SHC3: variants seen among roughly 807,000 people sequenced by gnomAD.
SHC3 encodes SHC-transforming protein 3.
A neutral mutation model predicts 60.4 loss-of-function variants in SHC3; 15 were observed. The ratio of observed to expected loss-of-function variants is 0.25; its 90% CI spans 0.17 to 0.38. SHC3 has a LOEUF of 0.38. Ranked by LOEUF, SHC3 falls within the 10% of genes least tolerant of loss-of-function variation. The probability of loss-of-function intolerance (pLI) is 1.00; values close to 1 mark genes in which losing one functional copy is unlikely to be tolerated. For synonymous variants in SHC3, 294 were observed against 325.9 expected (o/e 0.90, Z 1.05); for missense variants, 677 against 786.1 (o/e 0.86, Z 1.66).
intron 1 of SHC3, among the ~76,000 whole-genome samples, chr9:89,113,316 T>C (rs1825976345): frequency 6.6e-6 from 1 of 152,134 alleles, no homozygotes; most frequent in African/African-American, 2.4e-5. Flanking sequence ...AAGAGCTAGA[T>C]CCAATAGTTA....
intron 11 of SHC3, among the ~76,000 whole-genome samples, chr9:89,030,227 A>T (rs1359657243): frequency 6.6e-6 from 1 of 152,190 alleles, no homozygotes; most frequent in Non-Finnish European, 1.5e-5. Flanking sequence ...ACCAAAATAC[A>T]TAAAGCAAAA....
intron 1 of SHC3, among the ~76,000 whole-genome samples, chr9:89,151,103 C>T (rs546640756): frequency 6.6e-6 from 1 of 152,040 alleles, no homozygotes; most frequent in Non-Finnish European, 1.5e-5. Context: ...ACTGCAGCCT[C>T]AACCTCTTGG....
At chr9:89,031,317 T>C (rs1041911800) in intron 11 of SHC3, among the ~76,000 whole-genome samples, 7 of 152,212 alleles carry the variant, frequency 4.6e-5, no homozygotes, top group African/African-American at 1.2e-4. Flanking sequence ...ACATTCATTA[T>C]CATCACTGTC....
intron 11 of SHC3, 81 bp from the exon 12 acceptor site, chr9:89,013,656 C>T (rs1327109539): frequency 1.3e-4 from 204 of 1,514,144 alleles, no homozygotes; most frequent in Non-Finnish European, 1.7e-4. Flanking sequence ...ATCAGCCAGA[C>T]CATCTGAACT....
intron 10 of SHC3, among the ~76,000 whole-genome samples, chr9:89,041,559 AAGAG>A (rs1332852817): frequency 6.6e-6 from 1 of 152,194 alleles, no homozygotes; most frequent in Admixed American, 6.5e-5. Flanking sequence ...GGAGAGGAGA[AAGAG>A]AGAGAAAACC....
At chr9:89,029,174 C>A (rs1461755066) in intron 11 of SHC3, among the ~76,000 whole-genome samples, 2 of 151,500 alleles carry the variant, frequency 1.3e-5, no homozygotes, top group Non-Finnish European at 2.9e-5. Flanking sequence ...ACTCCCTCAA[C>A]CAGGAGTTCT....
In SHC3 at chr9:89,057,304, T is replaced by A. The variant is rs190358641; in HGVS notation, c.836-5141A>T. On this transcript the variant is annotated intron_variant, in intron 6 of 11. Transcript: ENST00000375835. Reference sequence around the variant, plus strand: ...AGCCATGCACTCTGAATTGATCCAGTTTTCCTTTTTCTTTTTTTTTTTTTT... The same window carrying A: ...AGCCATGCACTCTGAATTGATCCAGATTTCCTTTTTCTTTTTTTTTTTTTT... 6.8e-3 allele frequency among the ~76,000 whole-genome samples: 908 copies of A among 133,080 alleles called. 5 individuals carry two copies. Among genetic ancestry groups the A allele is most frequent in the Non-Finnish European group, 0.01 (665 of 65,292 alleles). The allele number at this position is 133,080 out of a possible 152,430, so 87.3% of individuals were successfully genotyped here.
intron 1 of SHC3, among the ~76,000 whole-genome samples, chr9:89,119,145 T>C (rs769093828): frequency 1.3e-5 from 2 of 152,144 alleles, no homozygotes; most frequent in Admixed American, 6.6e-5. Flanking sequence ...TAAAAAATTA[T>C]GTTTATATAT....
intron 1 of SHC3, among the ~76,000 whole-genome samples, chr9:89,151,131 A>T (rs1826540335): frequency 6.6e-6 from 1 of 151,194 alleles, no homozygotes; most frequent in African/African-American, 2.4e-5. Flanking sequence ...TAATCCTCCC[A>T]CCTCAGCCTC....
intron 1 of SHC3, among the ~76,000 whole-genome samples, chr9:89,161,422 C>G (rs1488750837): frequency 6.6e-6 from 1 of 152,170 alleles, no homozygotes; most frequent in African/African-American, 2.4e-5. Context: ...GCTTTCTGTA[C>G]AGCCTGCAGA....
At chr9:89,061,519 A>C (rs1825089909) in intron 6 of SHC3, among the ~76,000 whole-genome samples, 1 of 152,186 alleles carries the variant, frequency 6.6e-6, no homozygotes, top group South Asian at 2.1e-4. Context: ...TCTCCAGAAA[A>C]TCTTGGGAAA....
intron 11 of SHC3, among the ~76,000 whole-genome samples, chr9:89,014,653 G>A (rs1826066039): frequency 6.6e-6 from 1 of 152,148 alleles, no homozygotes; most frequent in African/African-American, 2.4e-5. Context: ...GGACTCCTGA[G>A]GCAATGTTCA....
chr9:89,099,475 A>G (rs1347479931), intron 2 of SHC3, among the ~76,000 whole-genome samples: 1 of 152,204 alleles, frequency 6.6e-6, no homozygotes, highest in Non-Finnish European at 1.5e-5. Flanking sequence ...GCAGCTTTTC[A>G]AAAGAATATT....
chr9:89,038,360 A>C lies in SHC3; in HGVS notation c.1361-72T>G, dbSNP rs1246327800. Reference sequence around the variant, plus strand: ...CAAATGATAAAAAAAAAAAAAAAAAAATACAGTGAGAGAGATGGAAATGCA... The same window carrying C: ...CAAATGATAAAAAAAAAAAAAAAAACATACAGTGAGAGAGATGGAAATGCA... On this transcript the variant is annotated intron_variant, in intron 10 of 11. Coordinates refer to ENST00000375835, the MANE Select transcript of SHC3 (RefSeq NM_016848.6). 5.1e-6 allele frequency: 7 copies of C among 1,372,376 alleles called. No homozygotes were observed. In the African/African-American group the frequency reaches 9.0e-5, roughly 18 times the overall value. 85.0% of individuals were successfully genotyped at this position (1,372,376 alleles called of 1,614,324 possible).
chr9:89,124,684 T>A (rs1297429541), intron 1 of SHC3, among the ~76,000 whole-genome samples: 2 of 151,576 alleles, frequency 1.3e-5, no homozygotes, highest in Non-Finnish European at 2.9e-5. Flanking sequence ...CCGGGGCCTG[T>A]CAGGGGGTGA....
intron 2 of SHC3, among the ~76,000 whole-genome samples, chr9:89,101,589 A>G (rs1425068552): frequency 1.3e-5 from 2 of 151,344 alleles, no homozygotes; most frequent in Non-Finnish European, 3.0e-5. Flanking sequence ...GCTTTTCTGT[A>G]TCTGTTGAGA....
chr9:89,155,228 C>A (rs1381315607), intron 1 of SHC3, among the ~76,000 whole-genome samples: 1 of 152,148 alleles, frequency 6.6e-6, no homozygotes, highest in Non-Finnish European at 1.5e-5. Flanking sequence ...GCCCCAGACT[C>A]AATACAAGCC....
At chr9:89,053,162 T>C (rs1448279738) in intron 6 of SHC3, among the ~76,000 whole-genome samples, 1 of 152,110 alleles carries the variant, frequency 6.6e-6, no homozygotes, top group Non-Finnish European at 1.5e-5. Context: ...TTTTTACCAA[T>C]GGGATAAAGG....
chr9:89,028,494 TATAGATTAATATAGATTATATCTATATAG>T (rs1824408896), intron 11 of SHC3, among the ~76,000 whole-genome samples: 1 of 19,684 alleles, frequency 5.1e-5, no homozygotes, highest in African/African-American at 2.7e-4. Flanking sequence ...TCTATATAGA[TATAGATTAATATAGATTATATCTATATAG>T]ATATAGATTA....
Sources: allele counts gnomAD v4.1 joint callset (sites outside exome capture counted in the v4.1 genomes callset), GRCh38; gene constraint gnomAD v4.1.1; transcripts MANE v1.5; gene names NCBI Gene and HGNC (gene_info 2026-07-23, HGNC 2026-07-21).